The following MED24 variants were observed in gnomAD, a reference collection of about 807,000 sequenced individuals.
The protein encoded by MED24 is mediator complex subunit 24, also known as mediator of RNA polymerase II transcription subunit 24.
In MED24, 74 loss-of-function variants were observed where a neutral mutation model predicts 118.8. The observed-to-expected ratio is 0.62, with a 90% CI of 0.52 to 0.76. The LOEUF (loss-of-function observed/expected upper bound fraction) is 0.76, where lower values mean the gene tolerates loss of function less well. Ranked by LOEUF, MED24 falls within the 30% of genes least tolerant of loss-of-function variation. The probability of loss-of-function intolerance (pLI) is 0.00; values close to 1 mark genes in which losing one functional copy is unlikely to be tolerated. For synonymous variants in MED24, 521 were observed against 523.9 expected, an observed-to-expected ratio of 0.99 and a Z score of 0.08; for missense variants, 1,041 against 1,278.9, an observed-to-expected ratio of 0.81 and a Z score of 2.84.
chr17:40,026,187 T>C lies in MED24; in HGVS notation c.1954A>G (p.Ser652Gly). The C allele has an allele frequency of 1.2e-6, 2 of 1,614,204 alleles. No homozygotes were observed. The highest frequency in any genetic ancestry group is 3.3e-4 in the Middle Eastern group (2 of 6,062). Residue 652 changes from serine to glycine, a missense_variant, in exon 19 of 26, where the codon AGT (serine) becomes GGT (glycine). Ser to Gly is a moderately conservative substitution (Grantham distance 56). Coordinates refer to ENST00000394128, the MANE Select transcript of MED24 (RefSeq NM_014815.4). Reference protein sequence around the residue: ...MIRQLAGPLFSENTLQFYNER... With the variant: ...MIRQLAGPLFGENTLQFYNER... The stretch of plus-strand genomic sequence containing the variant: ...TTGTAGAACTGCAGGGTGTTCTCAC[T>C]AAACAGTGGCCCTGCCAGCTGGCGG...
In MED24 at chr17:40,033,272, C is replaced by A. The variant is rs936230573; in HGVS notation, c.672-66G>T. 6.2e-7 allele frequency: 1 copy of A among 1,611,958 alleles called. No individual in the cohort carries two copies. The highest frequency in any genetic ancestry group is 8.5e-7 in the Non-Finnish European group (1 of 1,179,450). ...AAAGGTGAAGGCGGAGAGGATGGCA[C>A]GGGTGCCACATCTTCCTACCCCAGG... On this transcript the variant is annotated intron_variant, in intron 7 of 25. Coordinates refer to ENST00000394128, the MANE Select transcript of MED24 (RefSeq NM_014815.4). This position sits in a 1 kb window ranked among gnomAD's most constrained non-coding sequence, Gnocchi z 5.2.
intron 6 of MED24, chr17:40,034,910 A>G (rs1169459103): frequency 1.5e-6 from 2 of 1,321,568 alleles, no homozygotes; most frequent in Non-Finnish European, 2.0e-6. Context: ...AATGCTCAGT[A>G]AATACCTGTT....
intron 3 of MED24, among the ~76,000 whole-genome samples, chr17:40,051,317 T>G (rs1383722315): frequency 6.7e-6 from 1 of 149,764 alleles, no homozygotes; most frequent in Non-Finnish European, 1.5e-5. Flanking sequence ...TCTCAAAAAA[T>G]AAAAATAAGG....
At chr17:40,046,816 G>T (rs1221498629) in intron 3 of MED24, among the ~76,000 whole-genome samples, 1 of 152,128 alleles carries the variant, frequency 6.6e-6, no homozygotes, top group Non-Finnish European at 1.5e-5. Flanking sequence ...AGCACTTTGG[G>T]AGGCCAAGGC....
intron 3 of MED24, among the ~76,000 whole-genome samples, chr17:40,038,984 G>A (rs1240372871): frequency 6.6e-6 from 1 of 152,138 alleles, no homozygotes; most frequent in Non-Finnish European, 1.5e-5. Flanking sequence ...GTTCCGGCGA[G>A]CGTTTTGTTT....
intron 6 of MED24, among the ~76,000 whole-genome samples, chr17:40,034,185 G>GA (rs1019993392): frequency 1.3e-5 from 2 of 151,714 alleles, no homozygotes; most frequent in African/African-American, 4.8e-5. Context: ...ATAAAAGGGG[G>GA]AAAAAAAGAC....
At chr17:40,036,087 A>T in intron 4 of MED24, 29 bp downstream of exon 4, 1 of 1,602,550 alleles carries the variant, frequency 6.2e-7, no homozygotes, top group Non-Finnish European at 8.6e-7. Context: ...GTCATCCCCA[A>T]TCTAGCTCCT....
chr17:40,019,875 G>A lies in MED24; in HGVS notation c.2763C>T (p.Thr921=), dbSNP rs1218262330. Residue 921 remains threonine, a synonymous_variant, in exon 25 of 26, where the codon ACC becomes ACT. Transcript: ENST00000394128. ...CCTCCATGAACCACTGCACGAACTGGGTGTGGGGGCCAGCGGTGCGAGACC... is the reference window on the plus strand; with the variant it reads ...CCTCCATGAACCACTGCACGAACTGAGTGTGGGGGCCAGCGGTGCGAGACC... The part of the protein sequence containing the change: ...ILGSRTAGPH[T]QFVQWFMEEC... The A allele has an allele frequency of 4.4e-6, 7 of 1,587,310 alleles. No homozygotes were observed. Among genetic ancestry groups the A allele is most frequent in the Non-Finnish European group, 6.0e-6 (7 of 1,166,168 alleles).
chr17:40,050,683 A>C (rs1985741616), intron 3 of MED24, among the ~76,000 whole-genome samples: 1 of 152,218 alleles, frequency 6.6e-6, no homozygotes. Context: ...ACGTGTGCAC[A>C]TATAGAGTGA....
chr17:40,034,079 G>A (rs1044963565), intron 6 of MED24, among the ~76,000 whole-genome samples: 2 of 152,176 alleles, frequency 1.3e-5, no homozygotes, highest in African/African-American at 2.4e-5. Context: ...AGCCATATTG[G>A]TTAGCACTGA....
intron 3 of MED24, among the ~76,000 whole-genome samples, chr17:40,042,053 GGTCCTTTAAAGACAAAA>G (rs958295329): frequency 6.6e-6 from 1 of 151,990 alleles, no homozygotes; most frequent in Non-Finnish European, 1.5e-5. Context: ...TTACTATCTG[GGTCCTTTAAAGACAAAA>G]TATGCCAGAC....
chr17:40,037,901 ACT>A (rs1418540396), intron 3 of MED24, among the ~76,000 whole-genome samples: 4 of 146,766 alleles, frequency 2.7e-5, no homozygotes, highest in Non-Finnish European at 4.5e-5. Flanking sequence ...ACAGAGCTAG[ACT>A]CTGTCTCAAA....
At chr17:40,026,051 T>C (rs1477678036) in intron 19 of MED24, 105 bp downstream of exon 19, 5 of 1,146,712 alleles carry the variant, frequency 4.4e-6, no homozygotes, top group Non-Finnish European at 6.3e-6. Flanking sequence ...AGTGATCAAG[T>C]AGCGTGTTTG....
chr17:40,032,686 G>C lies in MED24; in HGVS notation c.899C>G (p.Thr300Arg). ...GAAAGCTGTCCACTTGAGCTCCTCCGTACCCTCGGGAGACTCAATGAGCCC... is the reference window on the plus strand; with the variant it reads ...GAAAGCTGTCCACTTGAGCTCCTCCCTACCCTCGGGAGACTCAATGAGCCC... ...FVGLIESPEG[T>R]EELKWTAFTF... is the part of the protein sequence containing the mutation. Residue 300 changes from threonine to arginine, a missense_variant, in exon 9 of 26, where the codon ACG becomes AGG. This residue lies in a region of MED24 where 434 missense variants were observed against 514.9 expected (regional missense o/e 0.84). Transcript: ENST00000394128. 3.7e-6 allele frequency: 6 copies of C among 1,613,840 alleles called. No homozygotes were observed. The highest frequency in any genetic ancestry group is 5.1e-6 in the Non-Finnish European group (6 of 1,179,904).
rs143907532 is a variant in MED24, at chr17:40,022,465, G to C, written c.2452C>G (p.Leu818Val). ...ALAKLAVWCA[L>V]SSYSSHKGQA... ...CCCTTGTGGGAGGAGTAGGAACTGA[G>C]GGCACACCACACGGCCAGCCTGGCA... The change falls in exon 22 of 26, where the codon CTC becomes GTC. Residue 818 changes from leucine to valine, a missense_variant. By Grantham distance (32) the Leu-to-Val change is conservative. Transcript: ENST00000394128. The C allele has an allele frequency of 6.2e-7, 1 of 1,610,146 alleles. No homozygotes were observed. Among genetic ancestry groups the C allele is most frequent in the Non-Finnish European group, 8.5e-7 (1 of 1,178,550 alleles).
chr17:40,021,977 ATCG>A lies in MED24; in HGVS notation c.2598_2600del (p.Asp867del). The A allele has an allele frequency of 1.2e-6, 2 of 1,607,202 alleles. No homozygotes were observed. The highest frequency in any genetic ancestry group is 1.7e-6 in the Non-Finnish European group (2 of 1,176,700). ...CACTGGGGCTCGAAAGGATGTTGGCATCGTCCTCATTAGAGCTCAGCAGTCGCA... is the reference window on the plus strand; with the variant it reads ...CACTGGGGCTCGAAAGGATGTTGGCATCCTCATTAGAGCTCAGCAGTCGCA... On this transcript the variant is annotated inframe_deletion, in exon 23 of 26. Transcript: ENST00000394128.
intron 3 of MED24, among the ~76,000 whole-genome samples, chr17:40,052,589 C>G (rs1318122967): frequency 6.6e-6 from 1 of 152,094 alleles, no homozygotes; most frequent in East Asian, 1.9e-4. Flanking sequence ...ATGTAATCCT[C>G]TTTTTTTCTT....
At chr17:40,050,759 G>A (rs750504544) in intron 3 of MED24, among the ~76,000 whole-genome samples, 4 of 152,164 alleles carry the variant, frequency 2.6e-5, no homozygotes, top group Non-Finnish European at 4.4e-5. Flanking sequence ...GAAAAATTAC[G>A]TATTGGGTAC....
chr17:40,036,660 A>G (rs1236101494), intron 3 of MED24, among the ~76,000 whole-genome samples: 1 of 140,352 alleles, frequency 7.1e-6, no homozygotes, highest in Non-Finnish European at 1.5e-5. Flanking sequence ...TGCAGTCCAG[A>G]CTGGGAGCAG....
Sources: gnomAD v4.1 joint callset for allele counts (sites outside exome capture counted in the v4.1 genomes callset) on GRCh38, gnomAD v4.1.1 for gene constraint, gnomAD v4.1.1 regional missense constraint, Gnocchi (gnomAD v3.1) non-coding constraint, MANE v1.5 for transcripts, NCBI Gene and HGNC (gene_info 2026-07-23, HGNC 2026-07-21) for gene names.